Variants in MAML1 observed in about 807,000 individuals in gnomAD.
MAML1 encodes mastermind like transcriptional coactivator 1, also known as mastermind-like protein 1.
MAML1 carries 14 observed loss-of-function variants against 77.1 expected under a neutral mutation model. That is an observed-to-expected ratio of 0.18 (90% CI 0.12 to 0.28). The LOEUF is 0.28. Ranked by LOEUF, MAML1 falls within the 10% of genes least tolerant of loss-of-function variation. The pLI is 1.00. For missense variants in MAML1, 1,217 were observed against 1,327.8 expected, an observed-to-expected ratio of 0.92 and a Z score of 1.30; for synonymous variants, 516 against 551.9, an observed-to-expected ratio of 0.93 and a Z score of 0.91.
At chr5:179,770,672 G>C (rs1339366940) in intron 3 of MAML1, among the ~76,000 whole-genome samples, 1 of 152,120 alleles carries the variant, frequency 6.6e-6, no homozygotes, top group African/African-American at 2.4e-5. Context: ...ATAGACATCT[G>C]TTTTCATTTT....
At chr5:179,735,120 C>T (rs957464972) in intron 1 of MAML1, among the ~76,000 whole-genome samples, 54 of 152,126 alleles carry the variant, frequency 3.5e-4, no homozygotes, top group Admixed American at 3.5e-3. Context: ...CACATGTATA[C>T]GTATGTAACT....
intron 1 of MAML1, among the ~76,000 whole-genome samples, chr5:179,749,074 C>T (rs1779438667): frequency 6.6e-6 from 1 of 151,912 alleles, no homozygotes; most frequent in Non-Finnish European, 1.5e-5. Flanking sequence ...TGAGCAATTC[C>T]CCTGTCTAGG....
At chr5:179,736,968 A>T in intron 1 of MAML1, among the ~76,000 whole-genome samples, 1 of 151,076 alleles carries the variant, frequency 6.6e-6, no homozygotes, top group East Asian at 1.9e-4. Flanking sequence ...CTCAAATTAA[A>T]AAAAAAAAAA....
Position 179,775,734 on chromosome 5 carries a change from T to C in MAML1, c.*857T>C. On this transcript the variant is annotated 3_prime_UTR_variant, in exon 5 of 5. Transcript: ENST00000292599. ...CACCTTCTGCAGTTTTCTCTGAACA[T>C]GTATGTTGCCCATGGTGGGAGCGTG... The C allele has an allele frequency of 2.0e-6, 2 of 985,476 alleles. No individual in the cohort carries two copies. Among genetic ancestry groups the C allele is most frequent in the Non-Finnish European group, 2.4e-6 (2 of 829,952 alleles). The allele number at this position is 985,476 out of a possible 1,614,324, so 61.0% of individuals were successfully genotyped here.
intron 1 of MAML1, among the ~76,000 whole-genome samples, chr5:179,742,214 C>T (rs1457095707): frequency 1.3e-5 from 2 of 151,018 alleles, no homozygotes; most frequent in African/African-American, 4.9e-5. Context: ...TTTGGCCAGG[C>T]ACGGTGGCTC....
chr5:179,758,639 C>T (rs965298245), intron 1 of MAML1, among the ~76,000 whole-genome samples: 1 of 152,052 alleles, frequency 6.6e-6, no homozygotes, highest in Non-Finnish European at 1.5e-5. Context: ...ATCCTCCTGC[C>T]TTATCCTCCC....
At chr5:179,756,147 C>T (rs1400158118) in intron 1 of MAML1, among the ~76,000 whole-genome samples, 1 of 150,860 alleles carries the variant, frequency 6.6e-6, no homozygotes, top group Non-Finnish European at 1.5e-5. Context: ...AGGAGGTGGC[C>T]GGTCGCGGTG....
chr5:179,744,841 A>G (rs1779349437), intron 1 of MAML1, among the ~76,000 whole-genome samples: 1 of 152,008 alleles, frequency 6.6e-6, no homozygotes, highest in African/African-American at 2.4e-5. Context: ...TGGTACATCT[A>G]TTTCTTATTT....
In MAML1 at chr5:179,765,852, C is replaced by G; in HGVS notation, c.842C>G (p.Pro281Arg). The G allele has an allele frequency of 1.2e-6, 2 of 1,614,136 alleles. No homozygotes were observed. Among genetic ancestry groups the G allele is most frequent in the South Asian group, 2.2e-5 (2 of 91,084 alleles). ...GAGGACTTCGAGGAGAAGAAGGACC[C>G]AGAGTCTTCTGGCTCTGCCACACAA... is the stretch of plus-strand genomic sequence containing the variant. The part of the protein sequence containing the change: ...FNEDFEEKKD[P>R]ESSGSATQTP... The change falls in exon 2 of 5, where the codon CCA (proline) becomes CGA (arginine). Residue 281 changes from proline to arginine, a missense_variant. Physicochemically the swap from Pro to Arg is moderately radical, Grantham distance 103. Transcript: ENST00000292599.
At chr5:179,762,317 C>T (rs1325943613) in intron 1 of MAML1, among the ~76,000 whole-genome samples, 5 of 152,074 alleles carry the variant, frequency 3.3e-5, no homozygotes, top group Non-Finnish European at 2.9e-5. Context: ...CAGCTTGATT[C>T]AGAGCAGTGG....
Position 179,771,207 on chromosome 5 carries a change from C to G in MAML1, c.2032C>G (p.Gln678Glu). The G allele has an allele frequency of 6.2e-7, 1 of 1,614,186 alleles. No individual in the cohort carries two copies. Among genetic ancestry groups the G allele is most frequent in the Non-Finnish European group, 8.5e-7 (1 of 1,180,020 alleles). ...ACCACCCCAGTACCAAGACCCGACACAAGGCAGCTTCCCACAGCAGGTTGG... is the reference window on the plus strand; with the variant it reads ...ACCACCCCAGTACCAAGACCCGACAGAAGGCAGCTTCCCACAGCAGGTTGG... The part of the protein sequence containing the change: ...RPPPQYQDPT[Q>E]GSFPQQVGQF... Residue 678 changes from glutamine (Q) to glutamate (E), a missense_variant, in exon 4 of 5, where the codon CAA becomes GAA. Gln to Glu is a conservative substitution (Grantham distance 29). Coordinates refer to ENST00000292599, the MANE Select transcript of MAML1 (RefSeq NM_014757.5). This position sits in a 1 kb window ranked among gnomAD's most constrained non-coding sequence, Gnocchi z 4.7.
At chr5:179,755,682 T>G (rs944259926) in intron 1 of MAML1, among the ~76,000 whole-genome samples, 1 of 151,114 alleles carries the variant, frequency 6.6e-6, no homozygotes, top group Non-Finnish European at 1.5e-5. Context: ...CTTAAAACAC[T>G]ATGAGATTTA....
In MAML1 at chr5:179,766,686, T is replaced by A. The variant is rs1277911472; in HGVS notation, c.1676T>A (p.Leu559Gln). 6.3e-7 allele frequency: 1 copy of A among 1,592,606 alleles called. No individual in the cohort carries two copies. Among genetic ancestry groups the A allele is most frequent in the Non-Finnish European group, 8.6e-7 (1 of 1,168,756 alleles). Residue 559 changes from leucine (L) to glutamine (Q), a missense_variant, in exon 2 of 5, where the codon CTG (leucine) becomes CAG (glutamine). Leu to Gln is a moderately radical substitution (Grantham distance 113). Coordinates refer to ENST00000292599, the MANE Select transcript of MAML1 (RefSeq NM_014757.5). This position sits in a 1 kb window ranked among gnomAD's most constrained non-coding sequence, Gnocchi z 4.0. ...AGTCACGAGCAGAACTCCCTGTTTCTGATGAAGCCAAAGCCAGGAAATATG... is the reference window on the plus strand; with the variant it reads ...AGTCACGAGCAGAACTCCCTGTTTCAGATGAAGCCAAAGCCAGGAAATATG... ...HISHEQNSLF[L>Q]MKPKPGNMPF...
chr5:179,743,587 G>C (rs541383381), intron 1 of MAML1, among the ~76,000 whole-genome samples: 2 of 150,340 alleles, frequency 1.3e-5, no homozygotes, highest in Non-Finnish European at 3.0e-5. Context: ...AGCCAGCCTC[G>C]ATCTCCTAAC....
chr5:179,770,174 C>T lies in MAML1; in HGVS notation c.1972-973C>T, dbSNP rs985746835. The stretch of plus-strand genomic sequence containing the variant: ...CTATAATTGTCTGCTCTGGGCTGGG[C>T]GCAGTGGCTCACTCCTATAATCCCA... On this transcript the variant is annotated intron_variant, in intron 3 of 4. Transcript: ENST00000292599. 5.9e-5 allele frequency among the ~76,000 whole-genome samples: 9 copies of T among 152,310 alleles called. No homozygotes were observed. The East Asian group carries it at 7.7e-4, about 13-fold the overall frequency.
intron 1 of MAML1, among the ~76,000 whole-genome samples, chr5:179,743,297 C>G (rs533017942): frequency 3.3e-4 from 50 of 151,572 alleles, no homozygotes; most frequent in South Asian, 2.1e-3. Flanking sequence ...GGTGATCCGC[C>G]TGCCTCCGCC....
At chr5:179,753,342 T>C (rs1295751297) in intron 1 of MAML1, among the ~76,000 whole-genome samples, 2 of 152,204 alleles carry the variant, frequency 1.3e-5, no homozygotes, top group African/African-American at 4.8e-5. Context: ...CTTGACATCT[T>C]TAATGCGTTT....
At chr5:179,761,851 C>T (rs538798204) in intron 1 of MAML1, among the ~76,000 whole-genome samples, 4 of 152,276 alleles carry the variant, frequency 2.6e-5, no homozygotes, top group African/African-American at 9.6e-5. Flanking sequence ...CTCAACTCCT[C>T]CCTTCCTTTT....
rs774092069 is a variant in MAML1 at position 179,765,820 on chromosome 5, G to A, written c.810G>A (p.Leu270=). 1.7e-5 allele frequency: 27 copies of A among 1,614,074 alleles called. No homozygotes were observed. The highest frequency in any genetic ancestry group is 2.1e-5 in the Non-Finnish European group (25 of 1,180,048). ...TGCCCGATGAAGACATGAAGGACCT[G>A]TTTAATGAGGACTTCGAGGAGAAGA... ...RSVPDEDMKD[L]FNEDFEEKKD... The change falls in exon 2 of 5, where the codon CTG becomes CTA. Residue 270 remains leucine, a synonymous_variant. Coordinates refer to ENST00000292599, the MANE Select transcript of MAML1 (RefSeq NM_014757.5).
Sources: allele counts gnomAD v4.1 joint callset (sites outside exome capture counted in the v4.1 genomes callset), GRCh38; gene constraint gnomAD v4.1.1; non-coding constraint Gnocchi (gnomAD v3.1); transcripts MANE v1.5; gene names NCBI Gene and HGNC (gene_info 2026-07-23, HGNC 2026-07-21).